ETV5: variants seen among roughly 807,000 people sequenced by gnomAD.
ETV5 encodes ETS translocation variant 5.
Under a neutral mutation model 70.0 loss-of-function variants are expected in ETV5, and 10 were observed. The observed-to-expected ratio is 0.14, with a 90% CI of 0.09 to 0.24. The LOEUF (loss-of-function observed/expected upper bound fraction) is 0.24, where lower values mean the gene tolerates loss of function less well. Ranked by LOEUF, ETV5 falls within the 10% of genes least tolerant of loss-of-function variation. ETV5 has a pLI of 1.00. For synonymous variants in ETV5, 216 were observed against 242.2 expected, an observed-to-expected ratio of 0.89 and a Z score of 1.01; for missense variants, 453 against 651.2, an observed-to-expected ratio of 0.70 and a Z score of 3.31.
At chr3:186,100,136 T>C (rs866807291) in intron 5 of ETV5, among the ~76,000 whole-genome samples, 8 of 152,316 alleles carry the variant, frequency 5.3e-5, no homozygotes, top group Middle Eastern at 6.8e-3. Flanking sequence ...AGTAAGGTAC[T>C]GGGCTAACTA....
chr3:186,077,228 C>T (rs73052025), intron 7 of ETV5, among the ~76,000 whole-genome samples: 1 of 152,076 alleles, frequency 6.6e-6, no homozygotes, highest in Non-Finnish European at 1.5e-5. Flanking sequence ...TTAGGGATTT[C>T]GTTTTGAAGT....
At chr3:186,090,898 C>T (rs1714167020) in intron 5 of ETV5, among the ~76,000 whole-genome samples, 1 of 152,174 alleles carries the variant, frequency 6.6e-6, no homozygotes, top group Non-Finnish European at 1.5e-5. Context: ...CCTAGTTTAC[C>T]AGGCTAATAA....
intron 5 of ETV5, among the ~76,000 whole-genome samples, chr3:186,084,531 G>A (rs1578554355): frequency 6.6e-6 from 1 of 152,174 alleles, no homozygotes; most frequent in Non-Finnish European, 1.5e-5. Context: ...TATTCTGGAT[G>A]TCGGGGGCCT....
intron 5 of ETV5, among the ~76,000 whole-genome samples, chr3:186,086,803 C>T (rs565494591): frequency 1.3e-4 from 15 of 117,672 alleles, no homozygotes; most frequent in South Asian, 8.5e-4. Context: ...CAAAAAGATA[C>T]GAAAAAAAAA....
Position 186,048,499 on chromosome 3 carries a change from C to T in ETV5, c.*140G>A. 1 of 758,464 alleles carries T rather than the reference C, an allele frequency of 1.3e-6. No individual in the cohort carries two copies. The highest frequency in any genetic ancestry group is 2.2e-6 in the Non-Finnish European group (1 of 461,004). 47.0% of individuals were successfully genotyped at this position (758,464 alleles called of 1,614,324 possible). The stretch of plus-strand genomic sequence containing the variant: ...GTATCTGTCTTTAAGGGTGCCAATC[C>T]AGAGACAGCTTGGGTTCTCCAGATA... On this transcript the variant is annotated 3_prime_UTR_variant, in exon 13 of 13. Coordinates refer to ENST00000306376, the MANE Select transcript of ETV5 (RefSeq NM_004454.3).
chr3:186,063,138 C>T lies in ETV5; in HGVS notation c.970+1279G>A, dbSNP rs183946760. On this transcript the variant is annotated intron_variant, in intron 9 of 12. Coordinates refer to ENST00000306376, the MANE Select transcript of ETV5 (RefSeq NM_004454.3). ...ACAAAAAATTAGCCGGGCGTGGTGG[C>T]GGGCGCCTGTAGTCCCAGCTACTTG... Among the ~76,000 whole-genome samples the T allele has an allele frequency of 3.2e-3, 482 of 152,112 alleles. 4 individuals are homozygous for T. The highest frequency in any genetic ancestry group is 0.011 in the African/African-American group (447 of 41,474).
At chr3:186,068,889 CAGTT>C (rs1166543213) in intron 7 of ETV5, among the ~76,000 whole-genome samples, 2 of 152,120 alleles carry the variant, frequency 1.3e-5, no homozygotes, top group Non-Finnish European at 2.9e-5. Context: ...TATATACCCT[CAGTT>C]AGAAAGTAGG....
intron 7 of ETV5, among the ~76,000 whole-genome samples, chr3:186,068,885 C>A (rs1355817745): frequency 6.6e-6 from 1 of 152,110 alleles, no homozygotes; most frequent in East Asian, 1.9e-4. Flanking sequence ...TGAATATATA[C>A]CCTCAGTTAG....
chr3:186,097,126 A>G (rs1578560546), intron 5 of ETV5, among the ~76,000 whole-genome samples: 1 of 152,304 alleles, frequency 6.6e-6, no homozygotes, highest in East Asian at 1.9e-4. Context: ...GGGGTTGCTC[A>G]GAGGCTGGGT....
intron 12 of ETV5, among the ~76,000 whole-genome samples, chr3:186,050,969 C>T (rs1316626168): frequency 2.0e-5 from 3 of 152,160 alleles, no homozygotes; most frequent in Non-Finnish European, 4.4e-5. Flanking sequence ...AATGTACATG[C>T]ATGTAACATG....
Position 186,047,735 on chromosome 3 carries a change from G to A in ETV5, c.*904C>T, listed in dbSNP as rs1312447886. The stretch of plus-strand genomic sequence containing the variant: ...CTCTCAAGCTGCAGTGTCTTCATAA[G>A]TTGGCACGGCCCTGGCTAAAGGACA... On this transcript the variant is annotated 3_prime_UTR_variant, in exon 13 of 13. Transcript: ENST00000306376. 1 of 233,446 alleles carries A rather than the reference G, an allele frequency of 4.3e-6. No homozygotes were observed. Among genetic ancestry groups the A allele is most frequent in the Non-Finnish European group, 8.5e-6 (1 of 117,978 alleles). 14.5% of individuals were successfully genotyped at this position (233,446 alleles called of 1,614,324 possible). A position where few individuals can be genotyped will look rare whatever the true frequency, so the allele number is the denominator to read the frequency against.
chr3:186,074,595 C>G (rs77579672), intron 7 of ETV5, among the ~76,000 whole-genome samples: 21,532 of 151,892 alleles, frequency 0.14, 2,575 homozygotes, highest in East Asian at 0.56. Context: ...CCCAAACTCA[C>G]CAATGTACAA....
chr3:186,063,854 CA>C (rs1298333815), intron 9 of ETV5, among the ~76,000 whole-genome samples: 1 of 152,082 alleles, frequency 6.6e-6, no homozygotes, highest in Non-Finnish European at 1.5e-5. Flanking sequence ...AAATGGCAAC[CA>C]TTTATCATAT....
intron 12 of ETV5, among the ~76,000 whole-genome samples, chr3:186,051,773 A>G (rs1412920617): frequency 6.6e-6 from 1 of 152,200 alleles, no homozygotes; most frequent in Non-Finnish European, 1.5e-5. Flanking sequence ...AGTTTTGGGA[A>G]AGCAGAGAAG....
chr3:186,078,980 T>C (rs1013132987), intron 7 of ETV5: 23 of 902,486 alleles, frequency 2.5e-5, no homozygotes, highest in Admixed American at 1.6e-4. Flanking sequence ...TCCCGCCCCA[T>C]TGTGGCCCCC....
Position 186,081,030 on chromosome 3 carries a change from C to A in ETV5, c.362+16G>T, listed in dbSNP as rs183823430. 1 of 1,600,986 alleles carries A rather than the reference C, an allele frequency of 6.2e-7. No homozygotes were observed. The highest frequency in any genetic ancestry group is 1.3e-5 in the African/African-American group (1 of 74,480). On this transcript the variant is annotated intron_variant, in intron 6 of 12. Transcript: ENST00000306376. ...CTTTCTGGGCAGCCTTTCTTCGACTCCTCTTGCCCACTCACCAATAGTTGT... is the reference window on the plus strand; with the variant it reads ...CTTTCTGGGCAGCCTTTCTTCGACTACTCTTGCCCACTCACCAATAGTTGT...
At chr3:186,069,449 GCAGCATGC>G (rs1452949334) in intron 7 of ETV5, among the ~76,000 whole-genome samples, 2 of 151,570 alleles carry the variant, frequency 1.3e-5, no homozygotes, top group Non-Finnish European at 2.9e-5. Flanking sequence ...ATGGGCACCG[GCAGCATGC>G]CGCAAACCTA....
intron 5 of ETV5, chr3:186,104,805 G>A (rs894692267): frequency 1.3e-5 from 2 of 149,514 alleles, no homozygotes; most frequent in Non-Finnish European, 2.9e-5. Flanking sequence ...GCAGTGATGC[G>A]ATCTCAGCTC....
chr3:186,105,511 G>T lies in ETV5; in HGVS notation c.134-15C>A. 2 of 1,614,084 alleles carry T rather than the reference G, an allele frequency of 1.2e-6. No individual in the cohort carries two copies. The highest frequency in any genetic ancestry group is 1.7e-6 in the Non-Finnish European group (2 of 1,179,986). On this transcript the variant is annotated splice_polypyrimidine_tract_variant and intron_variant, in intron 3 of 12. Transcript: ENST00000306376. The surrounding 1 kb of genome is among the most constrained non-coding windows in gnomAD (Gnocchi z 4.5). ...CTGAAATAGCTCTGAAATTGAAAAAGAAGACCCCAGAATGAGGATATTTCT... is the reference window on the plus strand; with the variant it reads ...CTGAAATAGCTCTGAAATTGAAAAATAAGACCCCAGAATGAGGATATTTCT...
Sources: gnomAD v4.1 joint callset for allele counts (sites outside exome capture counted in the v4.1 genomes callset) on GRCh38, gnomAD v4.1.1 for gene constraint, Gnocchi (gnomAD v3.1) non-coding constraint, MANE v1.5 for transcripts, NCBI Gene and HGNC (gene_info 2026-07-23, HGNC 2026-07-21) for gene names.